Variants in SLC2A9 observed in about 807,000 individuals in gnomAD.
SLC2A9 encodes the protein solute carrier family 2, facilitated glucose transporter member 9.
A neutral mutation model predicts 50.6 loss-of-function variants in SLC2A9; 39 were observed. That is an observed-to-expected ratio of 0.77 (90% CI 0.60 to 1.01). The LOEUF is 1.01. Ranked by LOEUF, SLC2A9 falls within the 50% of genes least tolerant of loss-of-function variation. The probability of loss-of-function intolerance (pLI) is 0.00; values close to 1 mark genes in which losing one functional copy is unlikely to be tolerated. For synonymous variants in SLC2A9, 324 were observed against 276.9 expected, an observed-to-expected ratio of 1.17 and a Z score of -1.69; for missense variants, 686 against 677.6, an observed-to-expected ratio of 1.01 and a Z score of -0.14.
chr4:9,823,729 G>A (rs1471309326), downstream of SLC2A9, among the ~76,000 whole-genome samples: 2 of 152,188 alleles, frequency 1.3e-5, no homozygotes, highest in African/African-American at 4.8e-5. Flanking sequence ...AGAATTCACT[G>A]GAGTAAATAT....
intron 3 of SLC2A9, among the ~76,000 whole-genome samples, chr4:9,811,252 C>A (rs1361524983): frequency 6.6e-6 from 1 of 152,228 alleles, no homozygotes; most frequent in Admixed American, 6.5e-5. Context: ...CCTCATCCTG[C>A]ATGCCCCTTT....
intron 4 of SLC2A9, among the ~76,000 whole-genome samples, chr4:9,983,157 C>T (rs1047026585): frequency 2.0e-5 from 3 of 152,286 alleles, no homozygotes; most frequent in Middle Eastern, 3.4e-3. Context: ...TGTGAGCCAC[C>T]GTGCCCGGCC....
intron 5 of SLC2A9, among the ~76,000 whole-genome samples, chr4:9,965,756 T>A (rs920425965): frequency 6.6e-6 from 1 of 152,258 alleles, no homozygotes; most frequent in South Asian, 2.1e-4. Flanking sequence ...ATTTCAGTTA[T>A]TTTTTAAATG....
At chr4:9,966,205 T>C (rs183169552) in intron 5 of SLC2A9, among the ~76,000 whole-genome samples, 3 of 152,254 alleles carry the variant, frequency 2.0e-5, no homozygotes, top group Admixed American at 1.3e-4. Flanking sequence ...CGAAAAAAAA[T>C]TGCTCATATG....
intron 10 of SLC2A9, chr4:9,880,069 C>A: frequency 1.0e-6 from 1 of 985,468 alleles, no homozygotes; most frequent in Non-Finnish European, 1.2e-6. Flanking sequence ...AGTCTCTCTG[C>A]CATTCAGCTC....
intron 10 of SLC2A9, among the ~76,000 whole-genome samples, chr4:9,846,941 T>C (rs995615019): frequency 6.6e-6 from 1 of 152,212 alleles, no homozygotes; most frequent in Non-Finnish European, 1.5e-5. Flanking sequence ...TATTTTCTCT[T>C]AGTCACCAGG....
At chr4:9,995,183 T>C (rs1241472997) in intron 3 of SLC2A9, among the ~76,000 whole-genome samples, 1 of 152,050 alleles carries the variant, frequency 6.6e-6, no homozygotes, top group Non-Finnish European at 1.5e-5. Context: ...AGATAGAAAA[T>C]TAAACAAGAG....
chr4:9,791,522 T>G (rs1325887145), intron 3 of SLC2A9, among the ~76,000 whole-genome samples: 2 of 152,160 alleles, frequency 1.3e-5, no homozygotes, highest in African/African-American at 4.8e-5. Context: ...TTAGGGATCT[T>G]GGGAGGACCC....
At chr4:9,902,252 C>A (rs570209847) in intron 8 of SLC2A9, among the ~76,000 whole-genome samples, 5 of 152,196 alleles carry the variant, frequency 3.3e-5, no homozygotes, top group Non-Finnish European at 5.9e-5. Flanking sequence ...TCCCTTGTTA[C>A]ACTGTCTGTG....
chr4:9,785,545 T>C (rs1394113087), intron 3 of SLC2A9, among the ~76,000 whole-genome samples: 1 of 152,036 alleles, frequency 6.6e-6, no homozygotes, highest in Non-Finnish European at 1.5e-5. Flanking sequence ...AAAGCAAGAG[T>C]TGCTATAAGC....
chr4:9,914,610 T>C (rs1577866435), intron 7 of SLC2A9, among the ~76,000 whole-genome samples: 1 of 152,170 alleles, frequency 6.6e-6, no homozygotes, highest in Non-Finnish European at 1.5e-5. Flanking sequence ...GGCAGGGCAA[T>C]TGACCATCTA....
chr4:9,892,817 C>T (rs1375189279), intron 8 of SLC2A9, among the ~76,000 whole-genome samples: 1 of 152,150 alleles, frequency 6.6e-6, no homozygotes, highest in Non-Finnish European at 1.5e-5. Flanking sequence ...TTAACCCTTC[C>T]ATGTCTTAAT....
chr4:9,772,778 T>A (rs1717000507), intron 1 of SLC2A9, among the ~76,000 whole-genome samples: 1 of 152,184 alleles, frequency 6.6e-6, no homozygotes, highest in Admixed American at 6.5e-5. Flanking sequence ...TTACCCATGA[T>A]ATCTCTTCAT....
At chr4:9,794,626 G>A (rs1720367134), downstream of SLC2A9, among the ~76,000 whole-genome samples, 1 of 152,230 alleles carries the variant, frequency 6.6e-6, no homozygotes, top group African/African-American at 2.4e-5. Flanking sequence ...TATATAGTAA[G>A]AGTGTGGGGA....
At chr4:9,844,704 G>A (rs1396309109) in intron 10 of SLC2A9, among the ~76,000 whole-genome samples, 2 of 152,224 alleles carry the variant, frequency 1.3e-5, no homozygotes, top group Non-Finnish European at 2.9e-5. Flanking sequence ...TCTACAGTGA[G>A]GAACAATCTG....
intron 10 of SLC2A9, among the ~76,000 whole-genome samples, chr4:9,851,472 T>C (rs1259339401): frequency 6.6e-6 from 1 of 152,160 alleles, no homozygotes; most frequent in Non-Finnish European, 1.5e-5. Context: ...TCAACACAGA[T>C]GAGAAAGAAC....
chr4:9,962,791 G>A lies in SLC2A9; in HGVS notation c.681+17801C>T, dbSNP rs1175821529. ...GCAGATGTGTGCAGAGGCAGGGAGT[G>A]GATGAGTGTGGCCCCAGCTGACCAT... On this transcript the variant is annotated intron_variant, in intron 5 of 11. Coordinates refer to ENST00000264784, the MANE Select transcript of SLC2A9 (RefSeq NM_020041.3). Among the ~76,000 whole-genome samples the A allele has an allele frequency of 2.0e-5, 3 of 152,314 alleles. No homozygotes were observed. In the East Asian group the frequency reaches 5.8e-4, roughly 29 times the overall value.
Position 9,922,510 on chromosome 4 carries a change from G to A in SLC2A9, c.815-1938C>T, listed in dbSNP as rs548633544. On this transcript the variant is annotated intron_variant, in intron 6 of 11. Transcript: ENST00000264784. ...AAAAAAATTCTGATCTTTTCTTAAAGCTTCAATTTAACCTTCCTATTGTAT... is the reference window on the plus strand; with the variant it reads ...AAAAAAATTCTGATCTTTTCTTAAAACTTCAATTTAACCTTCCTATTGTAT... Among the ~76,000 whole-genome samples, 4 of 152,248 alleles carry A rather than the reference G, an allele frequency of 2.6e-5. No individual in the cohort carries two copies. In the East Asian group the frequency reaches 7.7e-4, roughly 29 times the overall value.
chr4:9,870,888 A>G (rs1344480343), intron 10 of SLC2A9, among the ~76,000 whole-genome samples: 1 of 152,136 alleles, frequency 6.6e-6, no homozygotes, highest in Non-Finnish European at 1.5e-5. Context: ...GTGGCCAAGT[A>G]TCTAGCGCTG....
Sources: gnomAD v4.1 joint callset for allele counts (sites outside exome capture counted in the v4.1 genomes callset) on GRCh38, gnomAD v4.1.1 for gene constraint, MANE v1.5 for transcripts, NCBI Gene and HGNC (gene_info 2026-07-23, HGNC 2026-07-21) for gene names.